The following IGF2BP1 variants were observed in gnomAD, a reference collection of about 807,000 sequenced individuals.
IGF2BP1 encodes the protein insulin-like growth factor 2 mRNA-binding protein 1.
In IGF2BP1, 11 loss-of-function variants were observed where a neutral mutation model predicts 74.9. The ratio of observed to expected loss-of-function variants is 0.15; its 90% CI spans 0.09 to 0.24. The LOEUF is 0.24. Ranked by LOEUF, IGF2BP1 falls within the 10% of genes least tolerant of loss-of-function variation. The probability of loss-of-function intolerance (pLI) is 1.00; values close to 1 mark genes in which losing one functional copy is unlikely to be tolerated. For missense variants in IGF2BP1, 440 were observed against 757.4 expected, an observed-to-expected ratio of 0.58 and a Z score of 4.92; for synonymous variants, 287 against 281.8, an observed-to-expected ratio of 1.02 and a Z score of -0.18.
In IGF2BP1 at chr17:49,020,011, T is replaced by C. The variant is rs531757224; in HGVS notation, c.237-5607T>C. On this transcript the variant is annotated intron_variant, in intron 2 of 14. Transcript: ENST00000290341. ...ACATATATATACACACACACACACA[T>C]ATATATACACACACACACATATATA... Among the ~76,000 whole-genome samples, 20 of 80,226 alleles carry C rather than the reference T, an allele frequency of 2.5e-4. No homozygotes were observed. In the South Asian group the frequency reaches 3.5e-3, roughly 14 times the overall value. 52.6% of individuals were successfully genotyped at this position (80,226 alleles called of 152,430 possible).
intron 2 of IGF2BP1, among the ~76,000 whole-genome samples, chr17:49,023,263 C>G (rs368450258): frequency 3.3e-5 from 5 of 152,208 alleles, no homozygotes; most frequent in Non-Finnish European, 7.3e-5. Flanking sequence ...ATCTGACTTA[C>G]TTAGGTCAAG....
chr17:48,998,649 C>T (rs957865288), intron 1 of IGF2BP1, among the ~76,000 whole-genome samples: 4 of 152,144 alleles, frequency 2.6e-5, no homozygotes, highest in Non-Finnish European at 5.9e-5. Flanking sequence ...AAACCAGCCC[C>T]GACAGGTGAC....
chr17:49,005,400 T>TA (rs1050650466), intron 2 of IGF2BP1, among the ~76,000 whole-genome samples: 3 of 152,164 alleles, frequency 2.0e-5, no homozygotes. Context: ...TTGACTGAAA[T>TA]AGAGAGCAAA....
rs188755948 is a variant in IGF2BP1, at chr17:49,007,268, C to T, written c.236+8099C>T. On this transcript the variant is annotated intron_variant, in intron 2 of 14. Transcript: ENST00000290341. ...TCCCTAGATACCCAGGGGGTGACTG[C>T]ACACATTGTTCCCTACTTCTTCTGC... Among the ~76,000 whole-genome samples, 135 of 152,306 alleles carry T rather than the reference C, an allele frequency of 8.9e-4. 3 individuals are homozygous for T. Among genetic ancestry groups the T allele is most frequent in the South Asian group, 2.5e-3 (12 of 4,824 alleles).
chr17:49,000,265 C>T (rs2041471724), intron 2 of IGF2BP1, among the ~76,000 whole-genome samples: 1 of 152,096 alleles, frequency 6.6e-6, no homozygotes, highest in African/African-American at 2.4e-5. Flanking sequence ...TAGTCTCTGG[C>T]CTTTTCCGGG....
chr17:49,033,173 T>A (rs2041945091), intron 5 of IGF2BP1, among the ~76,000 whole-genome samples: 1 of 151,522 alleles, frequency 6.6e-6, no homozygotes, highest in South Asian at 2.1e-4. Flanking sequence ...TGAGACTGAG[T>A]CTTACTCTGT....
rs1347709176 is a variant in IGF2BP1 at position 49,043,509 on chromosome 17, C to G, written c.1159C>G (p.Pro387Ala). Residue 387 changes from proline (P) to alanine (A), a missense_variant, in exon 10 of 15, where the codon CCC (proline) becomes GCC (alanine). Transcript: ENST00000290341. ...TTCATCCAGCGCAGTCCCGCCGCCT[C>G]CCAGCAGCGTTACTGGGGCTGCTCC... ...PASSSAVPPP[P>A]SSVTGAAPYS... 2 of 1,614,000 alleles carry G rather than the reference C, an allele frequency of 1.2e-6. No homozygotes were observed. Among genetic ancestry groups the G allele is most frequent in the Non-Finnish European group, 1.7e-6 (2 of 1,180,002 alleles).
At chr17:49,046,457 A>G in intron 14 of IGF2BP1, 84 bp downstream of exon 14, 1 of 1,042,042 alleles carries the variant, frequency 9.6e-7, no homozygotes, top group Non-Finnish European at 1.5e-6. Context: ...GTTGACCTTC[A>G]TGACGTTGAC....
At chr17:48,999,569 C>T (rs2041459498) in intron 2 of IGF2BP1, among the ~76,000 whole-genome samples, 1 of 151,814 alleles carries the variant, frequency 6.6e-6, no homozygotes, top group South Asian at 2.1e-4. Context: ...TCTGTTTTTC[C>T]CACTCTTTCC....
In IGF2BP1 at chr17:49,031,918, G is replaced by A. The variant is rs1161967930; in HGVS notation, c.346G>A (p.Glu116Lys). ...TVENCEQVNTESETAVVNVTY... is the reference protein window; with the variant it reads ...TVENCEQVNTKSETAVVNVTY... ...CTCTCTTTTCTCTGCAGTGAACACC[G>A]AGAGTGAGACGGCAGTGGTGAATGT... is the stretch of plus-strand genomic sequence containing the variant. Residue 116 changes from glutamate (E) to lysine (K), a missense_variant, in exon 5 of 15, where the codon GAG becomes AAG. Physicochemically the swap from Glu to Lys is moderately conservative, Grantham distance 56 (BLOSUM62 1). Transcript: ENST00000290341. 8 of 1,613,620 alleles carry A rather than the reference G, an allele frequency of 5.0e-6. No individual in the cohort carries two copies. Among genetic ancestry groups the A allele is most frequent in the East Asian group, 2.2e-5 (1 of 44,860 alleles).
At chr17:49,012,133 G>A (rs2041627121) in intron 2 of IGF2BP1, among the ~76,000 whole-genome samples, 2 of 152,090 alleles carry the variant, frequency 1.3e-5, no homozygotes, top group Admixed American at 6.6e-5. Context: ...TCGAACTCCT[G>A]ACCTCAGGCG....
chr17:49,009,570 G>A (rs772796616), intron 2 of IGF2BP1, among the ~76,000 whole-genome samples: 11 of 151,564 alleles, frequency 7.3e-5, no homozygotes, highest in South Asian at 2.1e-4. Flanking sequence ...TTAGCCGAGC[G>A]TGGTAGTGCA....
intron 11 of IGF2BP1, 124 bp from the exon 12 acceptor site, chr17:49,044,867 C>A (rs2042093032): frequency 2.6e-6 from 2 of 770,906 alleles, no homozygotes; most frequent in Admixed American, 2.1e-5. Context: ...CTTTGTTCTT[C>A]CTCCCCTAAG....
rs750813948 is a variant in IGF2BP1 at position 49,054,528 on chromosome 17, G to C, written c.*5084G>C. ...ATCCCCCCCATATCGATTGGGCTGG[G>C]AGGGCTGGCCATGAGGTCCCCACTT... On this transcript the variant is annotated 3_prime_UTR_variant, in exon 15 of 15. Coordinates refer to ENST00000290341, the MANE Select transcript of IGF2BP1 (RefSeq NM_006546.4). 1.3e-5 allele frequency: 2 copies of C among 152,502 alleles called. No homozygotes were observed. Among genetic ancestry groups the C allele is most frequent in the East Asian group, 1.9e-4 (1 of 5,194 alleles). The allele number at this position is 152,502 out of a possible 1,614,324, so 9.4% of individuals were successfully genotyped here.
At chr17:49,000,050 C>A (rs887494616) in intron 2 of IGF2BP1, among the ~76,000 whole-genome samples, 2 of 151,880 alleles carry the variant, frequency 1.3e-5, no homozygotes, top group Admixed American at 1.3e-4. Flanking sequence ...TGGTGGATTT[C>A]AAATCTTGCA....
chr17:48,999,132 C>A lies in IGF2BP1; in HGVS notation c.199C>A (p.Arg67Ser). Residue 67 changes from arginine to serine, a missense_variant, in exon 2 of 15, where the codon CGC (arginine) becomes AGC (serine). Transcript: ENST00000290341. Reference protein sequence around the residue: ...FSGKVELQGKRLEIEHSVPKK... With the variant: ...FSGKVELQGKSLEIEHSVPKK... ...AGGGAAAGTAGAATTACAAGGAAAA[C>A]GCTTAGAGATTGAACATTCGGTGCC... 2 of 1,513,484 alleles carry A rather than the reference C, an allele frequency of 1.3e-6. No homozygotes were observed. The highest frequency in any genetic ancestry group is 1.8e-6 in the Non-Finnish European group (2 of 1,120,552). The allele number at this position is 1,513,484 out of a possible 1,614,324, so 93.8% of individuals were successfully genotyped here.
chr17:49,035,832 C>G (rs1432392978), intron 5 of IGF2BP1, among the ~76,000 whole-genome samples: 2 of 152,198 alleles, frequency 1.3e-5, no homozygotes, highest in African/African-American at 2.4e-5. Flanking sequence ...GGATACGTAG[C>G]AGCAGCTTGG....
chr17:49,034,699 T>C (rs1316346979), intron 5 of IGF2BP1, among the ~76,000 whole-genome samples: 2 of 148,872 alleles, frequency 1.3e-5, no homozygotes, highest in East Asian at 2.0e-4. Flanking sequence ...ATCATGCCCC[T>C]GAATTCTGGC....
intron 2 of IGF2BP1, among the ~76,000 whole-genome samples, chr17:49,009,345 A>G (rs925432021): frequency 5.4e-5 from 8 of 148,364 alleles, no homozygotes; most frequent in African/African-American, 1.8e-4. Flanking sequence ...AATATAATTT[A>G]ACAGATATTT....
Sources: allele counts gnomAD v4.1 joint callset (sites outside exome capture counted in the v4.1 genomes callset), GRCh38; gene constraint gnomAD v4.1.1; transcripts MANE v1.5; gene names NCBI Gene and HGNC (gene_info 2026-07-23, HGNC 2026-07-21).